Variants in TXNRD2 observed in about 807,000 individuals in gnomAD.
TXNRD2 encodes thioredoxin reductase 2, mitochondrial.
In TXNRD2, 67 loss-of-function variants were observed where a neutral mutation model predicts 70.8. The observed-to-expected ratio is 0.95, with a 90% CI of 0.78 to 1.16. The LOEUF is 1.16. TXNRD2 is among the 50% of genes most tolerant of loss of function. The pLI is 0.00. For synonymous variants in TXNRD2, 301 were observed against 295.8 expected, an observed-to-expected ratio of 1.02 and a Z score of -0.18; for missense variants, 644 against 719.9, an observed-to-expected ratio of 0.89 and a Z score of 1.21.
chr22:19,938,265 T>C (rs1941597103), intron 1 of TXNRD2: 1 of 152,206 alleles, frequency 6.6e-6, no homozygotes, highest in Admixed American at 6.5e-5. Context: ...TTATGTAAAC[T>C]TATGGTGTCT....
intron 14 of TXNRD2, among the ~76,000 whole-genome samples, chr22:19,878,776 C>T (rs1215947879): frequency 6.6e-6 from 1 of 152,218 alleles, no homozygotes; most frequent in Non-Finnish European, 1.5e-5. Context: ...CGTAGCTCAC[C>T]CACAACAAAT....
intron 5 of TXNRD2, among the ~76,000 whole-genome samples, chr22:19,917,870 C>T (rs1359984410): frequency 1.3e-5 from 2 of 152,226 alleles, no homozygotes; most frequent in Non-Finnish European, 2.9e-5. Flanking sequence ...GCGCCTCCTC[C>T]CTGTGCAGCC....
chr22:19,890,229 C>T (rs1012376314), intron 11 of TXNRD2, among the ~76,000 whole-genome samples: 1 of 152,176 alleles, frequency 6.6e-6, no homozygotes, highest in African/African-American at 2.4e-5. Context: ...AGGGGAAGGC[C>T]GCAGCCACCG....
chr22:19,907,412 G>A lies in TXNRD2; in HGVS notation c.662+3965C>T, dbSNP rs549151911. On this transcript the variant is annotated intron_variant, in intron 8 of 17. Transcript: ENST00000400521. ...TGACCGCTCTCAGGAGAGTGTGGGC[G>A]CACCGTAAGTAGCAGTGACCGCTCT... 4.8e-4 allele frequency among the ~76,000 whole-genome samples: 15 copies of A among 31,358 alleles called. 1 individual carries two copies. Among genetic ancestry groups the A allele is most frequent in the Non-Finnish European group, 4.6e-4 (7 of 15,146 alleles). 20.6% of individuals were successfully genotyped at this position (31,358 alleles called of 152,430 possible). A position where few individuals can be genotyped will look rare whatever the true frequency, so the allele number is the denominator to read the frequency against.
rs1051358975 is a variant in TXNRD2, at chr22:19,900,752, A to C, written c.663-1684T>G. Among the ~76,000 whole-genome samples the C allele has an allele frequency of 9.3e-5, 14 of 150,096 alleles. 1 individual carries two copies. Among genetic ancestry groups the C allele is most frequent in the Admixed American group, 2.0e-4 (3 of 15,082 alleles). ...GCAACAGAGCAAGACTCCATCACAA[A>C]AAAAAAAAAAAGATATGAAGTTATG... On this transcript the variant is annotated intron_variant, in intron 8 of 17. Coordinates refer to ENST00000400521, the MANE Select transcript of TXNRD2 (RefSeq NM_006440.5).
At chr22:19,896,147 A>G (rs1015378900) in intron 10 of TXNRD2, among the ~76,000 whole-genome samples, 5 of 151,784 alleles carry the variant, frequency 3.3e-5, no homozygotes, top group Non-Finnish European at 7.4e-5. Flanking sequence ...AAACACAAAA[A>G]ATTAGCCAGG....
rs4646311 is a variant in TXNRD2, at chr22:19,941,509, C to T, written c.103+192G>A. On this transcript the variant is annotated intron_variant, in intron 1 of 17. Transcript: ENST00000400521. ...AGGCACCCAGCCCCAGTTTCCCCAC[C>T]TGGGAAGGGGGCTACTTGTGGCTAG... 4.7e-4 allele frequency: 481 copies of T among 1,028,424 alleles called. 1 individual carries two copies. The East Asian group carries it at 0.016, about 33-fold the overall frequency. 63.7% of individuals were successfully genotyped at this position (1,028,424 alleles called of 1,614,324 possible).
intron 11 of TXNRD2, chr22:19,895,130 G>A (rs549834272): frequency 4.1e-5 from 65 of 1,598,470 alleles, no homozygotes; most frequent in South Asian, 6.6e-5. Flanking sequence ...GGCTGATGCC[G>A]TCTCAGTCTC....
In TXNRD2 at chr22:19,941,582, G is replaced by C. The variant is rs1941715947; in HGVS notation, c.103+119C>G. The C allele has an allele frequency of 6.8e-6, 9 of 1,326,940 alleles. No homozygotes were observed. The East Asian group carries it at 2.9e-4, about 42-fold the overall frequency. 82.2% of individuals were successfully genotyped at this position (1,326,940 alleles called of 1,614,324 possible). On this transcript the variant is annotated intron_variant, in intron 1 of 17. Coordinates refer to ENST00000400521, the MANE Select transcript of TXNRD2 (RefSeq NM_006440.5). ...AGACTAGACCAAGAGGCCGGTATGT[G>C]GACACCCCCGCGTGGGCACCCCCAC... is the stretch of plus-strand genomic sequence containing the variant.
In TXNRD2 at chr22:19,934,852, G is replaced by T. The variant is rs144981539; in HGVS notation, c.104-3754C>A. Among the ~76,000 whole-genome samples, 18 of 152,230 alleles carry T rather than the reference G, an allele frequency of 1.2e-4. No homozygotes were observed. The South Asian group carries it at 3.7e-3, about 32-fold the overall frequency. ...GCTAGGATTACAGGCATGAGCCACC[G>T]CGCCTGGGCCCCCAAGTAATACTTT... On this transcript the variant is annotated intron_variant, in intron 1 of 17. Transcript: ENST00000400521.
At chr22:19,940,258 A>AC (rs1203185023) in intron 1 of TXNRD2, among the ~76,000 whole-genome samples, 1 of 151,280 alleles carries the variant, frequency 6.6e-6, no homozygotes, top group East Asian at 1.9e-4. Flanking sequence ...AAAAAAAAAA[A>AC]AAAAAAAACC....
At chr22:19,907,828 C>T (rs1940130994) in intron 8 of TXNRD2, among the ~76,000 whole-genome samples, 2 of 45,790 alleles carry the variant, frequency 4.4e-5, no homozygotes, top group Non-Finnish European at 8.8e-5. Flanking sequence ...GCAGTGACCG[C>T]TCTCAGGAGA....
chr22:19,915,204 G>T lies in TXNRD2; in HGVS notation c.591+10C>A. 1 of 1,613,414 alleles carries T rather than the reference G, an allele frequency of 6.2e-7. No homozygotes were observed. Among genetic ancestry groups the T allele is most frequent in the Non-Finnish European group, 8.5e-7 (1 of 1,179,704 alleles). ...CGGCAGCAGGGACGCTATGCTCTGGGGACACTCACGTGCGTGGGGTATCTC... is the reference window on the plus strand; with the variant it reads ...CGGCAGCAGGGACGCTATGCTCTGGTGACACTCACGTGCGTGGGGTATCTC... On this transcript the variant is annotated intron_variant, in intron 7 of 17. Transcript: ENST00000400521.
chr22:19,911,283 G>T, intron 8 of TXNRD2, 94 bp downstream of exon 8: 1 of 1,037,952 alleles, frequency 9.6e-7, no homozygotes. Context: ...CGGAAAGAAA[G>T]CCCCAGGAGC....
intron 7 of TXNRD2, among the ~76,000 whole-genome samples, chr22:19,913,747 G>C (rs937437251): frequency 6.6e-6 from 1 of 152,228 alleles, no homozygotes; most frequent in African/African-American, 2.4e-5. Context: ...ACCTCCAGCT[G>C]ACCTTGATCT....
chr22:19,920,094 G>A (rs1404177099), intron 2 of TXNRD2, among the ~76,000 whole-genome samples: 2 of 152,128 alleles, frequency 1.3e-5, no homozygotes, highest in East Asian at 1.9e-4. Context: ...GTGGGCATTC[G>A]CTGCCTCACT....
intron 1 of TXNRD2, among the ~76,000 whole-genome samples, chr22:19,931,899 G>A (rs866306543): frequency 3.3e-5 from 5 of 152,122 alleles, no homozygotes; most frequent in South Asian, 4.2e-4. Context: ...GGTAGCTCAC[G>A]CCTGTAATCC....
At chr22:19,912,468 G>C (rs191368325) in intron 7 of TXNRD2, among the ~76,000 whole-genome samples, 14 of 152,320 alleles carry the variant, frequency 9.2e-5, no homozygotes, top group Middle Eastern at 3.4e-3. Context: ...GTGAGGTGCA[G>C]AGCAGGGCCG....
At chr22:19,880,946 C>T (rs890778860) in intron 12 of TXNRD2, 2 of 594,184 alleles carry the variant, frequency 3.4e-6, no homozygotes, top group Non-Finnish European at 3.0e-6. Context: ...CCACTCTGCC[C>T]TGGGAAAGGA....
Sources: allele counts gnomAD v4.1 joint callset (sites outside exome capture counted in the v4.1 genomes callset), GRCh38; gene constraint gnomAD v4.1.1; transcripts MANE v1.5; gene names NCBI Gene and HGNC (gene_info 2026-07-23, HGNC 2026-07-21).